Variants in KIAA1549L observed in about 807,000 individuals in gnomAD.
KIAA1549L encodes the protein UPF0606 protein KIAA1549L.
KIAA1549L carries 88 observed loss-of-function variants against 160.7 expected under a neutral mutation model. That is an observed-to-expected ratio of 0.55 (90% CI 0.46 to 0.65). KIAA1549L has a LOEUF of 0.65. KIAA1549L is among the 30% of genes least tolerant of loss of function. The pLI, the probability that KIAA1549L is intolerant of heterozygous loss-of-function variation, is 0.00. For synonymous variants in KIAA1549L, 950 were observed against 976.7 expected, an observed-to-expected ratio of 0.97 and a Z score of 0.51; for missense variants, 2,258 against 2,437.5, an observed-to-expected ratio of 0.93 and a Z score of 1.55.
chr11:33,405,423 G>T (rs879357834), intron 1 of KIAA1549L, among the ~76,000 whole-genome samples: 1 of 150,404 alleles, frequency 6.6e-6, no homozygotes, highest in Non-Finnish European at 1.5e-5. Flanking sequence ...TTGAGTAACA[G>T]AATTAAAAAC....
At chr11:33,586,899 T>C (rs1291752303) in intron 11 of KIAA1549L, among the ~76,000 whole-genome samples, 1 of 152,206 alleles carries the variant, frequency 6.6e-6, no homozygotes, top group Non-Finnish European at 1.5e-5. Flanking sequence ...GTACTGTGTT[T>C]AGTACTGTGC....
intron 1 of KIAA1549L, among the ~76,000 whole-genome samples, chr11:33,538,413 C>T (rs1355863566): frequency 3.3e-5 from 5 of 152,116 alleles, no homozygotes; most frequent in East Asian, 3.8e-4. Flanking sequence ...CTTTATTAAC[C>T]GTTTTCCTTT....
intron 6 of KIAA1549L, 48 bp from the exon 7 acceptor site, chr11:33,559,701 G>T (rs1854773369): frequency 1.3e-6 from 2 of 1,553,738 alleles, no homozygotes; most frequent in South Asian, 2.2e-5. Flanking sequence ...AACACACCCT[G>T]GTCTTATTTG....
chr11:33,671,327 T>G lies in KIAA1549L; in HGVS notation c.*3173T>G, dbSNP rs1258783730. On this transcript the variant is annotated 3_prime_UTR_variant, in exon 21 of 21. Transcript: ENST00000658780. Reference sequence around the variant, plus strand: ...CTGTGAGGCAGCAGAGTCCATGCTCTGCATCAGGGGAGGTGCAGTAAAGGT... The same window carrying G: ...CTGTGAGGCAGCAGAGTCCATGCTCGGCATCAGGGGAGGTGCAGTAAAGGT... The G allele has an allele frequency of 1.3e-5, 2 of 152,214 alleles. No individual in the cohort carries two copies. Among genetic ancestry groups the G allele is most frequent in the African/African-American group, 4.8e-5 (2 of 41,452 alleles). The allele number at this position is 152,214 out of a possible 1,614,324, so 9.4% of individuals were successfully genotyped here.
intron 1 of KIAA1549L, among the ~76,000 whole-genome samples, chr11:33,413,635 G>C (rs1850828163): frequency 6.6e-6 from 1 of 151,928 alleles, no homozygotes; most frequent in Non-Finnish European, 1.5e-5. Context: ...TTTAATTATA[G>C]TACAGTCTAT....
In KIAA1549L at chr11:33,591,219, T is replaced by C. The variant is rs1416762800; in HGVS notation, c.4567-18T>C. The stretch of plus-strand genomic sequence containing the variant: ...ACTTCGCTAGAAATACGACTGCAAA[T>C]CTGTTTCCTCTTTGCAGCCTGTGCA... On this transcript the variant is annotated intron_variant, in intron 11 of 20. Transcript: ENST00000658780. 1 of 1,592,622 alleles carries C rather than the reference T, an allele frequency of 6.3e-7. No individual in the cohort carries two copies. The highest frequency in any genetic ancestry group is 1.7e-5 in the Admixed American group (1 of 57,184).
chr11:33,622,863 C>T (rs145816367), intron 16 of KIAA1549L, among the ~76,000 whole-genome samples: 62 of 152,312 alleles, frequency 4.1e-4, no homozygotes, highest in African/African-American at 1.5e-3. Flanking sequence ...CAGTCCACAA[C>T]AGCCTGCTGA....
In KIAA1549L at chr11:33,542,903, C is replaced by T. The variant is rs765326884; in HGVS notation, c.1340C>T (p.Pro447Leu). 12 of 1,613,918 alleles carry T rather than the reference C, an allele frequency of 7.4e-6. No individual in the cohort carries two copies. Among genetic ancestry groups the T allele is most frequent in the South Asian group, 5.5e-5 (5 of 91,080 alleles). Residue 447 changes from proline to leucine, a missense_variant, in exon 2 of 21, where the codon CCG becomes CTG. By Grantham distance (98) the Pro-to-Leu change is moderately conservative. Transcript: ENST00000658780. ...GCCACTGCAAATGACTCTGCTAACC[C>T]GCTGCATTTGTCAGCAGCTCCAGAG... ...ASATANDSAN[P>L]LHLSAAPENS...
At chr11:33,581,724 T>A (rs1016996532) in intron 10 of KIAA1549L, among the ~76,000 whole-genome samples, 5 of 152,210 alleles carry the variant, frequency 3.3e-5, no homozygotes, top group South Asian at 4.1e-4. Flanking sequence ...TTTGTACTTT[T>A]AGGTAATTAC....
In KIAA1549L at chr11:33,668,010, G is replaced by A. The variant is rs542064565; in HGVS notation, c.6297G>A (p.Ala2099=). The change falls in exon 21 of 21, where the codon GCG becomes GCA. Residue 2099 remains alanine (A), a synonymous_variant. Coordinates refer to ENST00000658780, the MANE Select transcript of KIAA1549L (RefSeq NM_012194.3). ...AGCAGGCCCCGGCGCCCTCCACAGC[G>A]GCCTCGCAGCAGAGCCTGGCAGAAA... ...SLEQAPAPST[A]ASQQSLAEND... 5.1e-5 allele frequency: 83 copies of A among 1,613,964 alleles called. No homozygotes were observed. The highest frequency in any genetic ancestry group is 4.1e-4 in the South Asian group (37 of 91,082).
intron 15 of KIAA1549L, among the ~76,000 whole-genome samples, chr11:33,614,242 C>T (rs1186033936): frequency 6.6e-6 from 1 of 151,816 alleles, no homozygotes; most frequent in Non-Finnish European, 1.5e-5. Context: ...ACTGTCCTTC[C>T]CAGGCTACTG....
intron 1 of KIAA1549L, among the ~76,000 whole-genome samples, chr11:33,505,666 GTTTC>G (rs912880802): frequency 2.6e-4 from 40 of 152,176 alleles, no homozygotes; most frequent in African/African-American, 8.9e-4. Context: ...CAATGGGACA[GTTTC>G]TTTCTTTCAC....
At chr11:33,636,126 G>T (rs1022054477) in intron 16 of KIAA1549L, among the ~76,000 whole-genome samples, 1 of 152,086 alleles carries the variant, frequency 6.6e-6, no homozygotes, top group Non-Finnish European at 1.5e-5. Flanking sequence ...GTCACACAGT[G>T]GTTATTCAGA....
chr11:33,532,194 C>G (rs754395102), intron 1 of KIAA1549L, among the ~76,000 whole-genome samples: 53 of 152,288 alleles, frequency 3.5e-4, no homozygotes, highest in Non-Finnish European at 5.7e-4. Context: ...TCTTGATTCT[C>G]TATCTCACAG....
At chr11:33,397,439 G>A (rs182885622) in intron 1 of KIAA1549L, among the ~76,000 whole-genome samples, 102 of 151,182 alleles carry the variant, frequency 6.7e-4, no homozygotes, top group African/African-American at 2.4e-3. Flanking sequence ...GGCTGGGCGC[G>A]GTGGCTCACG....
intron 10 of KIAA1549L, among the ~76,000 whole-genome samples, chr11:33,575,343 G>T (rs868352159): frequency 6.6e-6 from 1 of 152,232 alleles, no homozygotes; most frequent in African/African-American, 2.4e-5. Context: ...GTAAAAGGCA[G>T]TGTGTGTTAG....
intron 1 of KIAA1549L, among the ~76,000 whole-genome samples, chr11:33,534,815 C>T (rs1403959957): frequency 6.6e-6 from 1 of 152,166 alleles, no homozygotes; most frequent in African/African-American, 2.4e-5. Flanking sequence ...AAACTCTCAC[C>T]ATTCTTTAGT....
chr11:33,444,481 A>G (rs1485994085), intron 1 of KIAA1549L, among the ~76,000 whole-genome samples: 1 of 152,154 alleles, frequency 6.6e-6, no homozygotes, highest in Admixed American at 6.5e-5. Context: ...GGCACTGGTA[A>G]TTGGTGTCAG....
At chr11:33,658,714 G>C in intron 18 of KIAA1549L, 36 bp from the exon 19 acceptor site, 1 of 1,557,280 alleles carries the variant, frequency 6.4e-7, no homozygotes, top group Non-Finnish European at 8.7e-7. Context: ...CCTGAGGTCT[G>C]GGACAGTGCT....
Sources: gnomAD v4.1 joint callset for allele counts (sites outside exome capture counted in the v4.1 genomes callset) on GRCh38, gnomAD v4.1.1 for gene constraint, MANE v1.5 for transcripts, NCBI Gene and HGNC (gene_info 2026-07-23, HGNC 2026-07-21) for gene names.